The following GEM variants were observed in gnomAD, a reference collection of about 807,000 sequenced individuals.
GEM encodes GTP binding protein overexpressed in skeletal muscle.
Under a neutral mutation model 33.0 loss-of-function variants are expected in GEM, and 31 were observed. The observed-to-expected ratio is 0.94, with a 90% CI of 0.71 to 1.27. The LOEUF (loss-of-function observed/expected upper bound fraction) is 1.27, where lower values mean the gene tolerates loss of function less well. GEM is among the 50% of genes most tolerant of loss of function. GEM has a pLI of 0.00. For missense variants in GEM, 354 were observed against 390.5 expected (o/e 0.91, Z 0.79); for synonymous variants, 141 against 143.7 (o/e 0.98, Z 0.13).
intron 3 of GEM, 35 bp downstream of exon 3, chr8:94,253,001 C>G (rs1179417271): frequency 8.2e-7 from 1 of 1,224,194 alleles, no homozygotes; most frequent in Non-Finnish European, 1.2e-6. Flanking sequence ...AAGGAAAGCC[C>G]TAAAGGAATT....
At chr8:94,259,960 G>T in intron 2 of GEM, 1 of 492,358 alleles carries the variant, frequency 2.0e-6, no homozygotes, top group Non-Finnish European at 3.6e-6. Flanking sequence ...TTCTGGCCCA[G>T]GATCAACAGA....
At chr8:94,261,706 G>T (rs1207018917) in intron 1 of GEM, among the ~76,000 whole-genome samples, 5 of 152,116 alleles carry the variant, frequency 3.3e-5, no homozygotes, top group Non-Finnish European at 5.9e-5. Flanking sequence ...TCCCCTAAAT[G>T]ATATTCAACA....
chr8:94,250,295 G>A lies in GEM; in HGVS notation c.*15C>T. On this transcript the variant is annotated 3_prime_UTR_variant, in exon 5 of 5. Coordinates refer to ENST00000297596, the MANE Select transcript of GEM (RefSeq NM_005261.4). ...ACAACGGCCATCAAAGGGACATCTG[G>A]GTGACCCTGGGTTCCTAGAGTACAG... The A allele has an allele frequency of 1.3e-6, 2 of 1,597,210 alleles. No individual in the cohort carries two copies. The highest frequency in any genetic ancestry group is 1.7e-6 in the Non-Finnish European group (2 of 1,169,180).
intron 4 of GEM, 142 bp from the exon 5 acceptor site, chr8:94,250,729 C>T: frequency 1.6e-6 from 1 of 620,236 alleles, no homozygotes; most frequent in Non-Finnish European, 2.7e-6. Flanking sequence ...ATGGGCCCTC[C>T]CAGGGCATGA....
In GEM at chr8:94,252,537, C is replaced by G. The variant is rs1322732334; in HGVS notation, c.409-314G>C. Among the ~76,000 whole-genome samples the G allele has an allele frequency of 1.8e-4, 28 of 152,112 alleles. 1 individual carries two copies. Reference sequence around the variant, plus strand: ...CATTTCCAATTTCTATTTAATCTACCAAAAATGAGCCTTTTCTGACTTCCC... The same window carrying G: ...CATTTCCAATTTCTATTTAATCTACGAAAAATGAGCCTTTTCTGACTTCCC... On this transcript the variant is annotated intron_variant, in intron 3 of 4. Transcript: ENST00000297596.
At chr8:94,251,025 T>C (rs1288094401) in intron 4 of GEM, among the ~76,000 whole-genome samples, 1 of 152,170 alleles carries the variant, frequency 6.6e-6, no homozygotes, top group Non-Finnish European at 1.5e-5. Context: ...GCAGGTGAAG[T>C]TCACACAGCC....
chr8:94,256,958 TCCAAGAGCAC>T, intron 2 of GEM, among the ~76,000 whole-genome samples: 1 of 152,206 alleles, frequency 6.6e-6, no homozygotes, highest in East Asian at 1.9e-4. Flanking sequence ...AAGTGGCTTG[TCCAAGAGCAC>T]CCAGCCAAGT....
chr8:94,259,843 T>C (rs796925972), intron 2 of GEM: 41 of 244,452 alleles, frequency 1.7e-4, no homozygotes, highest in African/African-American at 8.4e-4. Flanking sequence ...GGGAAGAATG[T>C]TCAAGTCAGA....
intron 2 of GEM, among the ~76,000 whole-genome samples, chr8:94,256,677 G>A (rs1808898682): frequency 6.6e-6 from 1 of 152,090 alleles, no homozygotes; most frequent in African/African-American, 2.4e-5. Context: ...TACTCTACTG[G>A]CCCCGGTCCC....
chr8:94,261,574 G>A (rs1251572803), intron 1 of GEM, among the ~76,000 whole-genome samples: 3 of 151,980 alleles, frequency 2.0e-5, no homozygotes, highest in African/African-American at 2.4e-5. Flanking sequence ...TGTTGCCCAG[G>A]CTGGTCTCGA....
chr8:94,250,634 A>G, intron 4 of GEM, 47 bp from the exon 5 acceptor site: 1 of 1,461,152 alleles, frequency 6.8e-7, no homozygotes, highest in South Asian at 1.3e-5. Flanking sequence ...GCACAGTCCC[A>G]CATAGCACAC....
Position 94,252,170 on chromosome 8 carries a change from C to T in GEM, c.462G>A (p.Leu154=). The T allele has an allele frequency of 6.2e-7, 1 of 1,613,738 alleles. No individual in the cohort carries two copies. Among genetic ancestry groups the T allele is most frequent in the Non-Finnish European group, 8.5e-7 (1 of 1,179,694 alleles). ...DHCMQVGDAY[L]IVYSITDRAS... ...CTCGGTCTGTGATTGAGTAGACAAT[C>T]AGGTATGCGTCCCCGACCTGCATGC... Residue 154 remains leucine (L), a synonymous_variant, in exon 4 of 5, where the codon CTG becomes CTA. Transcript: ENST00000297596.
At chr8:94,260,600 T>G in intron 1 of GEM, 88 bp from the exon 2 acceptor site, 1 of 719,046 alleles carries the variant, frequency 1.4e-6, no homozygotes, top group South Asian at 1.9e-5. Context: ...AGTAATATTT[T>G]ATTAGATGAG....
At position 94,250,053 on chromosome 8, in the gene GEM, G is replaced by A. The variant is rs1808725540; in HGVS notation, c.*257C>T. 1 of 461,978 alleles carries A rather than the reference G, an allele frequency of 2.2e-6. No homozygotes were observed. The highest frequency in any genetic ancestry group is 3.9e-5 in the Admixed American group (1 of 25,528). 28.6% of individuals were successfully genotyped at this position (461,978 alleles called of 1,614,324 possible). On this transcript the variant is annotated 3_prime_UTR_variant, in exon 5 of 5. Coordinates refer to ENST00000297596, the MANE Select transcript of GEM (RefSeq NM_005261.4). The stretch of plus-strand genomic sequence containing the variant: ...ACTATCCAAAATAGAAGAAACACAT[G>A]TGAACACCAAACACATCCTCTAAAG...
chr8:94,259,889 C>A, intron 2 of GEM: 1 of 345,546 alleles, frequency 2.9e-6, no homozygotes, highest in South Asian at 6.5e-5. Context: ...GACCCTCTGG[C>A]TCTGCCCTCT....
At position 94,250,233 on chromosome 8, in the gene GEM, T is replaced by C; in HGVS notation, c.*77A>G. On this transcript the variant is annotated 3_prime_UTR_variant, in exon 5 of 5. Coordinates refer to ENST00000297596, the MANE Select transcript of GEM (RefSeq NM_005261.4). Reference sequence around the variant, plus strand: ...GGGAAACCACATCTAACTTAAGTATTCAATCTAATATAGATTATTGGTCCC... The same window carrying C: ...GGGAAACCACATCTAACTTAAGTATCCAATCTAATATAGATTATTGGTCCC... 8.5e-7 allele frequency: 1 copy of C among 1,181,996 alleles called. No individual in the cohort carries two copies. The highest frequency in any genetic ancestry group is 1.2e-6 in the Non-Finnish European group (1 of 827,692). 73.2% of individuals were successfully genotyped at this position (1,181,996 alleles called of 1,614,324 possible).
At chr8:94,260,536 G>A (rs1808999795) in intron 1 of GEM, 24 bp from the exon 2 acceptor site, 1 of 1,391,540 alleles carries the variant, frequency 7.2e-7, no homozygotes, top group Admixed American at 1.8e-5. Context: ...CAGCCAAGAT[G>A]GCAGCATTAG....
intron 3 of GEM, 38 bp from the exon 4 acceptor site, chr8:94,252,261 G>A (rs1354706624): frequency 7.4e-7 from 1 of 1,344,714 alleles, no homozygotes; most frequent in Non-Finnish European, 1.1e-6. Context: ...GTTCAGTTAG[G>A]CCTGGGGAAT....
Position 94,251,458 on chromosome 8 carries a change from C to T in GEM, c.613+561G>A, listed in dbSNP as rs540471722. On this transcript the variant is annotated intron_variant, in intron 4 of 4. Transcript: ENST00000297596. ...TTTTATAATTGTACCAGGATCAAAT[C>T]TGAATTAGGCCAGTAAAATCTCAAG... Among the ~76,000 whole-genome samples the T allele has an allele frequency of 8.3e-3, 1,263 of 152,192 alleles. 9 individuals are homozygous for T. The highest frequency in any genetic ancestry group is 0.013 in the Non-Finnish European group (918 of 68,016).
Sources: gnomAD v4.1 joint callset for allele counts (sites outside exome capture counted in the v4.1 genomes callset) on GRCh38, gnomAD v4.1.1 for gene constraint, MANE v1.5 for transcripts, NCBI Gene and HGNC (gene_info 2026-07-23, HGNC 2026-07-21) for gene names.